Variants in NAV3 observed in about 807,000 individuals in gnomAD.
The protein encoded by NAV3 is neuron navigator 3, also known as pore membrane and/or filament interacting like protein 1.
NAV3 carries 87 observed loss-of-function variants against 244.7 expected under a neutral mutation model. That is an observed-to-expected ratio of 0.36 (90% CI 0.30 to 0.42). The LOEUF (loss-of-function observed/expected upper bound fraction) is 0.42. Among genes scored for constraint, NAV3 ranks in the 20% least tolerant of loss-of-function variants. The pLI is 1.00. For missense variants in NAV3, 2,663 were observed against 2,893.3 expected, an observed-to-expected ratio of 0.92 and a Z score of 1.83; for synonymous variants, 1,126 against 1,042.2, an observed-to-expected ratio of 1.08 and a Z score of -1.55.
chr12:77,855,656 A>G (rs1328250434), intron 1 of NAV3, among the ~76,000 whole-genome samples: 1 of 152,238 alleles, frequency 6.6e-6, no homozygotes, highest in Non-Finnish European at 1.5e-5. Context: ...AGCCCAGACT[A>G]AAGAGGCCCA....
chr12:77,635,338 A>G (rs1175477387), intron 2 of NAV3, among the ~76,000 whole-genome samples: 2 of 152,178 alleles, frequency 1.3e-5, no homozygotes, highest in African/African-American at 2.4e-5. Context: ...GGGACTACAA[A>G]CATGTGCCAC....
intron 2 of NAV3, among the ~76,000 whole-genome samples, chr12:77,657,511 C>T (rs867431139): frequency 7.9e-5 from 12 of 152,152 alleles, no homozygotes; most frequent in Non-Finnish European, 1.0e-4. Context: ...GATTCACAGC[C>T]GAATTCTACC....
At chr12:78,066,819 A>G (rs557700961) in intron 12 of NAV3, among the ~76,000 whole-genome samples, 1 of 152,236 alleles carries the variant, frequency 6.6e-6, no homozygotes, top group South Asian at 2.1e-4. Context: ...TCCAAAAGGC[A>G]TTAAAGATTG....
chr12:77,741,148 C>CAAAAAAAAAAAAAAAAAAAAAAAAAAAAA, intron 2 of NAV3, among the ~76,000 whole-genome samples: 24 of 68,670 alleles, frequency 3.5e-4, no homozygotes, highest in African/African-American at 4.7e-4. Flanking sequence ...AAAAAAAAGA[C>CAAAAAAAAAAAAAAAAAAAAAAAAAAAAA]AAAAAAAAAA....
At chr12:77,983,473 G>C (rs770164156) in intron 5 of NAV3, among the ~76,000 whole-genome samples, 4 of 152,118 alleles carry the variant, frequency 2.6e-5, no homozygotes, top group Non-Finnish European at 5.9e-5. Context: ...GAAGGAGGCA[G>C]AGAGAAAAAA....
At chr12:77,630,053 C>G (rs1307072662) in intron 2 of NAV3, among the ~76,000 whole-genome samples, 1 of 152,138 alleles carries the variant, frequency 6.6e-6, no homozygotes, top group East Asian at 1.9e-4. Context: ...ATGGATTTAA[C>G]TTATGAGGCT....
intron 2 of NAV3, among the ~76,000 whole-genome samples, chr12:77,633,627 T>A (rs898434437): frequency 6.6e-6 from 1 of 152,074 alleles, no homozygotes; most frequent in Non-Finnish European, 1.5e-5. Context: ...CCAACTTAAA[T>A]CCAAAAAAAT....
chr12:78,208,539 T>C (rs1960568295), intron 39 of NAV3, among the ~76,000 whole-genome samples: 1 of 152,210 alleles, frequency 6.6e-6, no homozygotes, highest in Non-Finnish European at 1.5e-5. Context: ...TCTTCTCTTG[T>C]AAACTCCCTT....
rs556175837 is a variant in NAV3, at chr12:77,710,831, A to G, written c.72+138565A>G. On this transcript the variant is annotated intron_variant, in intron 2 of 8. Transcript: ENST00000550042. ...CCTCTTTTTGATCTAGCTCTTGGCA[A>G]TAGATTAAATGAACTAATCTATTTG... Among the ~76,000 whole-genome samples, 47 of 152,324 alleles carry G rather than the reference A, an allele frequency of 3.1e-4. 1 individual carries two copies. The highest frequency in any genetic ancestry group is 2.7e-3 in the Admixed American group (41 of 15,302).
intron 1 of NAV3, among the ~76,000 whole-genome samples, chr12:77,842,640 C>A (rs1023986019): frequency 5.3e-5 from 8 of 151,208 alleles, no homozygotes; most frequent in African/African-American, 1.9e-4. Context: ...TATTGTGAAA[C>A]TTCTGTCAGC....
intron 2 of NAV3, among the ~76,000 whole-genome samples, chr12:77,747,885 G>A (rs1868635158): frequency 6.6e-6 from 1 of 152,212 alleles, no homozygotes; most frequent in East Asian, 1.9e-4. Context: ...GCCTGTTGTG[G>A]GGTTGGGGGA....
intron 1 of NAV3, among the ~76,000 whole-genome samples, chr12:77,840,409 G>A (rs900270525): frequency 3.3e-5 from 5 of 152,142 alleles, no homozygotes; most frequent in African/African-American, 1.2e-4. Context: ...CCAGTAAATG[G>A]GTGGGGGACA....
intron 2 of NAV3, among the ~76,000 whole-genome samples, chr12:77,672,906 A>G (rs1319307636): frequency 2.0e-5 from 3 of 152,174 alleles, no homozygotes; most frequent in Non-Finnish European, 1.5e-5. Context: ...ATTTTGAAGG[A>G]TAGTAAGAGA....
At chr12:77,983,407 TATC>T (rs1298943048) in intron 5 of NAV3, among the ~76,000 whole-genome samples, 1 of 152,140 alleles carries the variant, frequency 6.6e-6, no homozygotes, top group Non-Finnish European at 1.5e-5. Flanking sequence ...TGAATTGAAA[TATC>T]ATGTATTTCA....
intron 34 of NAV3, 141 bp downstream of exon 34, chr12:78,190,360 G>A (rs1229232847): frequency 2.9e-6 from 2 of 685,316 alleles, no homozygotes; most frequent in Non-Finnish European, 4.9e-6. Flanking sequence ...GTAACCTGGT[G>A]AGTGATCAAA....
intron 16 of NAV3, among the ~76,000 whole-genome samples, chr12:78,126,873 T>C (rs1955931412): frequency 6.6e-6 from 1 of 152,138 alleles, no homozygotes; most frequent in South Asian, 2.1e-4. Context: ...AAAACTAAGA[T>C]AGTATTTAAT....
At chr12:77,828,313 T>G (rs1487908898), upstream of NAV3, among the ~76,000 whole-genome samples, 1 of 152,168 alleles carries the variant, frequency 6.6e-6, no homozygotes, top group African/African-American at 2.4e-5. Flanking sequence ...TATGGGCCCC[T>G]CACTCTTATG....
At position 77,864,885 on chromosome 12, in the gene NAV3, C is replaced by G. The variant is rs191438939; in HGVS notation, c.243+33181C>G. The stretch of plus-strand genomic sequence containing the variant: ...AGAATGTTTGGAGTAGTGTCTTGCA[C>G]AAAGTTAATAGTCAGTAAATACCTA... On this transcript the variant is annotated intron_variant, in intron 1 of 39. Transcript: ENST00000397909. Among the ~76,000 whole-genome samples, 387 of 151,976 alleles carry G rather than the reference C, an allele frequency of 2.5e-3. 1 individual carries two copies. The highest frequency in any genetic ancestry group is 4.5e-3 in the Non-Finnish European group (306 of 67,850).
chr12:78,058,423 T>C (rs1169451819), intron 11 of NAV3, among the ~76,000 whole-genome samples: 4 of 152,134 alleles, frequency 2.6e-5, no homozygotes, highest in African/African-American at 9.7e-5. Context: ...ACTATCCCCG[T>C]TATTCAGTTA....
Sources: gnomAD v4.1 joint callset for allele counts (sites outside exome capture counted in the v4.1 genomes callset) on GRCh38, gnomAD v4.1.1 for gene constraint, MANE v1.5 for transcripts, NCBI Gene and HGNC (gene_info 2026-07-23, HGNC 2026-07-21) for gene names.